Variants in FSTL4 observed in about 807,000 individuals in gnomAD.
FSTL4 encodes the protein follistatin-related protein 4.
Under a neutral mutation model 78.2 loss-of-function variants are expected in FSTL4, and 28 were observed. That is an observed-to-expected ratio of 0.36 (90% CI 0.27 to 0.49). The LOEUF (loss-of-function observed/expected upper bound fraction) is 0.49. Among genes scored for constraint, FSTL4 ranks in the 20% least tolerant of loss-of-function variants. The probability of loss-of-function intolerance (pLI) is 0.98; values close to 1 mark genes in which losing one functional copy is unlikely to be tolerated. For synonymous variants in FSTL4, 422 were observed against 440.5 expected (o/e 0.96, Z 0.53); for missense variants, 922 against 1,084.9 (o/e 0.85, Z 2.11).
chr5:133,240,239 C>T (rs61070309), intron 7 of FSTL4, among the ~76,000 whole-genome samples: 17 of 152,150 alleles, frequency 1.1e-4, no homozygotes, highest in East Asian at 1.9e-4. Flanking sequence ...ACACTCACTG[C>T]GAGGGTCCGC....
intron 3 of FSTL4, among the ~76,000 whole-genome samples, chr5:133,441,348 A>G (rs1168273551): frequency 6.6e-6 from 1 of 152,184 alleles, no homozygotes; most frequent in Non-Finnish European, 1.5e-5. Flanking sequence ...CTGACCAGAC[A>G]TGCCCCTGCA....
intron 3 of FSTL4, among the ~76,000 whole-genome samples, chr5:133,529,024 C>A (rs1029679700): frequency 2.8e-4 from 42 of 152,144 alleles, no homozygotes; most frequent in African/African-American, 9.7e-4. Flanking sequence ...CATGCTCTTG[C>A]TCCGGCTGCC....
the FSTL4 span, among the ~76,000 whole-genome samples, chr5:133,630,865 C>A: frequency 2.0e-5 from 3 of 152,066 alleles, no homozygotes; most frequent in African/African-American, 7.2e-5. Context: ...CTTTGACAAA[C>A]CTGACAAAAA....
chr5:133,417,320 T>C (rs980713978), intron 3 of FSTL4, among the ~76,000 whole-genome samples: 2 of 151,246 alleles, frequency 1.3e-5, no homozygotes, highest in Admixed American at 1.3e-4. Context: ...AAAAAAGGCC[T>C]GTACTGAAGC....
intron 7 of FSTL4, among the ~76,000 whole-genome samples, chr5:133,241,075 G>A (rs1460062648): frequency 6.6e-6 from 1 of 152,210 alleles, no homozygotes; most frequent in Non-Finnish European, 1.5e-5. Context: ...GAGCTTCTCT[G>A]GGAAATTGAC....
chr5:133,532,081 A>G (rs1215186162), intron 3 of FSTL4, among the ~76,000 whole-genome samples: 2 of 152,254 alleles, frequency 1.3e-5, no homozygotes, highest in African/African-American at 4.8e-5. Flanking sequence ...GGAGGGCTCA[A>G]TACAATCACA....
chr5:133,651,590 C>A, the FSTL4 span, among the ~76,000 whole-genome samples: 1 of 151,542 alleles, frequency 6.6e-6, no homozygotes, highest in African/African-American at 2.4e-5. Flanking sequence ...GGATAAACTT[C>A]ACTTGGTCAT....
At chr5:133,489,519 T>C (rs1758213832) in intron 3 of FSTL4, among the ~76,000 whole-genome samples, 1 of 152,214 alleles carries the variant, frequency 6.6e-6, no homozygotes. Flanking sequence ...AAGGTTCTGC[T>C]AGCAGATATC....
intron 3 of FSTL4, among the ~76,000 whole-genome samples, chr5:133,450,416 G>A (rs1242901063): frequency 3.3e-5 from 5 of 152,202 alleles, no homozygotes; most frequent in African/African-American, 4.8e-5. Context: ...TATGGGCTCC[G>A]GCCCTGCTGC....
the FSTL4 span, among the ~76,000 whole-genome samples, chr5:133,648,111 C>T: frequency 6.6e-6 from 1 of 152,148 alleles, no homozygotes. Context: ...TGTAAGTCCA[C>T]TAAACCTCTT....
chr5:133,199,725 C>CTTGAGGGATGTGGGGTTGTGGGG lies in FSTL4; in HGVS notation c.1898_1899insCCCCACAACCCCACATCCCTCAA (p.Lys633AsnfsTer64). ...AGCCATGGTGGTGCAGGCCGATGGT[C>CTTGAGGGATGTGGGGTTGTGGGG]TTGAGGGGCATCATTGTTTCCAGGT... On this transcript the variant is annotated frameshift_variant, in exon 16 of 16. Transcript: ENST00000265342. LOFTEE classifies it low-confidence loss of function (END_TRUNC). This position sits in a 1 kb window ranked among gnomAD's most constrained non-coding sequence, Gnocchi z 4.4. 1 of 1,609,380 alleles carries CTTGAGGGATGTGGGGTTGTGGGG rather than the reference C, an allele frequency of 6.2e-7. No individual in the cohort carries two copies. The highest frequency in any genetic ancestry group is 8.5e-7 in the Non-Finnish European group (1 of 1,177,750).
At chr5:133,803,565 A>G in the FSTL4 span, among the ~76,000 whole-genome samples, 1 of 152,190 alleles carries the variant, frequency 6.6e-6, no homozygotes, top group Non-Finnish European at 1.5e-5. Context: ...CAAATGGGAA[A>G]AAGTCCTCTG....
chr5:133,582,772 C>T (rs548408618), intron 2 of FSTL4, among the ~76,000 whole-genome samples: 1 of 152,164 alleles, frequency 6.6e-6, no homozygotes, highest in African/African-American at 2.4e-5. Flanking sequence ...CACTTGAATG[C>T]CAGGATGCCT....
At chr5:133,405,530 G>T (rs1756340537) in intron 3 of FSTL4, among the ~76,000 whole-genome samples, 1 of 152,212 alleles carries the variant, frequency 6.6e-6, no homozygotes, top group African/African-American at 2.4e-5. Context: ...GCCCTCGCCT[G>T]GGGTCATGGT....
At chr5:133,416,843 A>T (rs767030396) in intron 3 of FSTL4, among the ~76,000 whole-genome samples, 4 of 152,226 alleles carry the variant, frequency 2.6e-5, no homozygotes, top group Admixed American at 6.5e-5. Flanking sequence ...CTGAGGACAG[A>T]TGACAGCTAA....
chr5:133,260,164 G>A (rs555000367), intron 6 of FSTL4, among the ~76,000 whole-genome samples: 13 of 152,140 alleles, frequency 8.5e-5, no homozygotes, highest in Non-Finnish European at 1.6e-4. Flanking sequence ...TGTGTCCGGC[G>A]GGCCGCTCGA....
the FSTL4 span, among the ~76,000 whole-genome samples, chr5:133,794,613 C>A: frequency 1.3e-5 from 2 of 152,218 alleles, no homozygotes; most frequent in Non-Finnish European, 2.9e-5. Flanking sequence ...GACAAACCAG[C>A]TTCTGAGTAG....
At position 133,426,949 on chromosome 5, in the gene FSTL4, C is replaced by T. The variant is rs1022738731; in HGVS notation, c.161-25963G>A. 3.9e-5 allele frequency among the ~76,000 whole-genome samples: 6 copies of T among 152,180 alleles called. No individual in the cohort carries two copies. Among genetic ancestry groups the T allele is most frequent in the Non-Finnish European group, 7.3e-5 (5 of 68,028 alleles). ...ATGTCTTATGTTCTCAGTGTTCCGT[C>T]TCTCAAATGCCCAACGGCCCAGAGG... On this transcript the variant is annotated intron_variant, in intron 3 of 15. Coordinates refer to ENST00000265342, the MANE Select transcript of FSTL4 (RefSeq NM_015082.2). This position sits in a 1 kb window ranked among gnomAD's most constrained non-coding sequence, Gnocchi z 5.0.
chr5:133,576,700 A>G (rs766584408), intron 2 of FSTL4, among the ~76,000 whole-genome samples: 35 of 152,318 alleles, frequency 2.3e-4, no homozygotes, highest in Middle Eastern at 6.8e-3. Flanking sequence ...CTCAGGCCTC[A>G]ACTTCCTGAA....
Sources: allele counts gnomAD v4.1 joint callset (sites outside exome capture counted in the v4.1 genomes callset), GRCh38; gene constraint gnomAD v4.1.1; non-coding constraint Gnocchi (gnomAD v3.1); transcripts MANE v1.5; gene names NCBI Gene and HGNC (gene_info 2026-07-23, HGNC 2026-07-21).